SKOR2: variants seen among roughly 807,000 people sequenced by gnomAD.
The protein encoded by SKOR2 is SKI family transcriptional corepressor 2.
Under a neutral mutation model 69.1 loss-of-function variants are expected in SKOR2, and 47 were observed. The observed-to-expected ratio is 0.68, with a 90% CI of 0.54 to 0.87. The LOEUF (loss-of-function observed/expected upper bound fraction) is 0.87, where lower values mean the gene tolerates loss of function less well. Ranked by LOEUF, SKOR2 falls within the 40% of genes least tolerant of loss-of-function variation. The pLI is 0.00. For missense variants in SKOR2, 1,404 were observed against 1,472.2 expected (o/e 0.95, Z 0.76); for synonymous variants, 717 against 672.6 (o/e 1.07, Z -1.02).
rs755307760 is a variant in SKOR2 at position 47,247,066 on chromosome 18, AGGGGGCGGC to A, written c.2109_2117del (p.Pro704_Pro706del). 87 of 885,876 alleles carry A rather than the reference AGGGGGCGGC, an allele frequency of 9.8e-5. No individual in the cohort carries two copies. Among genetic ancestry groups the A allele is most frequent in the Non-Finnish European group, 1.2e-4 (84 of 705,748 alleles). The allele number at this position is 885,876 out of a possible 1,614,324, so 54.9% of individuals were successfully genotyped here. ...CTCGGTGGTGCGGGTGCTGGGCCAG[AGGGGGCGGC>A]GGGGGCGGCGGCGGCGGCGGCGGCG... is the stretch of plus-strand genomic sequence containing the variant. On this transcript the variant is annotated inframe_deletion, in exon 2 of 9. Transcript: ENST00000425639. The surrounding 1 kb of genome is among the most constrained non-coding windows in gnomAD (Gnocchi z 6.6).
chr18:47,208,093 AGAGT>A lies in SKOR2; in HGVS notation c.*4-1205_*4-1202del, dbSNP rs151291539. ...TTTGGCCATCCACATTTTATAGATA[AGAGT>A]GAGACTCAAAGAGATTAAATGATGT... On this transcript the variant is annotated intron_variant, in intron 8 of 8. Transcript: ENST00000425639. Among the ~76,000 whole-genome samples the A allele has an allele frequency of 1.8e-3, 270 of 152,342 alleles. 3 individuals carry two copies. The East Asian group carries it at 0.044, about 25-fold the overall frequency.
At position 47,230,469 on chromosome 18, in the gene SKOR2, G is replaced by T. The variant is rs2064193361; in HGVS notation, c.2907C>A (p.Phe969Leu). The T allele has an allele frequency of 1.4e-6, 2 of 1,428,718 alleles. No homozygotes were observed. Among genetic ancestry groups the T allele is most frequent in the South Asian group, 1.6e-5 (1 of 63,396 alleles). 88.5% of individuals were successfully genotyped at this position (1,428,718 alleles called of 1,614,324 possible). Residue 969 changes from phenylalanine to leucine, a missense_variant, in exon 6 of 9, where the codon TTC becomes TTA. Transcript: ENST00000425639. ...AAAGTGATTTCTTACTGAATACTGG[G>T]AAAGATGTGTTTCCTTTTAACACCT... is the stretch of plus-strand genomic sequence containing the variant. ...EFQVLKGNTS[F>L]PVFNNFQDQM... is the part of the protein sequence containing the mutation.
intron 4 of SKOR2, 44 bp downstream of exon 4, chr18:47,244,864 C>T (rs2064264214): frequency 6.7e-7 from 1 of 1,493,436 alleles, no homozygotes; most frequent in Non-Finnish European, 9.0e-7. Flanking sequence ...AGCCCCTCTC[C>T]CTGTCATCTG....
At chr18:47,214,681 C>G (rs932995764) in intron 7 of SKOR2, among the ~76,000 whole-genome samples, 2 of 152,086 alleles carry the variant, frequency 1.3e-5, no homozygotes, top group African/African-American at 2.4e-5. Context: ...ACAGTTGAAA[C>G]CTTTTACTTT....
intron 4 of SKOR2, among the ~76,000 whole-genome samples, chr18:47,236,923 G>A (rs1021791602): frequency 1.3e-5 from 2 of 152,026 alleles, no homozygotes; most frequent in African/African-American, 4.8e-5. Context: ...TGTACCTGAT[G>A]TTCTAGTGTT....
At chr18:47,251,304 A>G (rs1195167953) in intron 1 of SKOR2, 70 bp downstream of exon 1, 1 of 151,984 alleles carries the variant, frequency 6.6e-6, no homozygotes, top group South Asian at 2.1e-4. Context: ...GGAAAATCCT[A>G]CCGCTGGGGA....
At chr18:47,225,425 T>C (rs1305047656) in intron 6 of SKOR2, among the ~76,000 whole-genome samples, 2 of 152,190 alleles carry the variant, frequency 1.3e-5, no homozygotes, top group Non-Finnish European at 2.9e-5. Flanking sequence ...CATTGTCAGT[T>C]TTAATCTCTT....
chr18:47,231,175 G>C (rs1486735773), intron 4 of SKOR2, 175 bp from the exon 5 acceptor site: 2 of 1,536,006 alleles, frequency 1.3e-6, no homozygotes, highest in Non-Finnish European at 1.7e-6. Context: ...CTGAAACACG[G>C]AGGGGAGGTG....
At chr18:47,228,798 T>C (rs1275788554) in intron 6 of SKOR2, among the ~76,000 whole-genome samples, 1 of 152,234 alleles carries the variant, frequency 6.6e-6, no homozygotes, top group Non-Finnish European at 1.5e-5. Flanking sequence ...ATTTTAAATG[T>C]TTCTCCTTTT....
chr18:47,238,320 CTTTT>C (rs772229985), intron 4 of SKOR2, among the ~76,000 whole-genome samples: 1 of 108,070 alleles, frequency 9.3e-6, no homozygotes, highest in Non-Finnish European at 1.8e-5. Flanking sequence ...CTTTTCTTTT[CTTTT>C]TTTTTTTTTT....
chr18:47,239,137 A>G (rs1413112857), intron 4 of SKOR2, among the ~76,000 whole-genome samples: 1 of 152,210 alleles, frequency 6.6e-6, no homozygotes, highest in Non-Finnish European at 1.5e-5. Context: ...CTTAAGAATA[A>G]CCAAAATACA....
intron 7 of SKOR2, among the ~76,000 whole-genome samples, chr18:47,213,114 T>A (rs1256010045): frequency 1.3e-5 from 2 of 152,144 alleles, no homozygotes; most frequent in Non-Finnish European, 2.9e-5. Flanking sequence ...CTTTTCATTA[T>A]AAAATTCCAA....
chr18:47,248,971 C>T lies in SKOR2; in HGVS notation c.213G>A (p.Leu71=). Residue 71 remains leucine (L), a synonymous_variant, in exon 2 of 9, where the codon CTG becomes CTA. Coordinates refer to ENST00000425639, the MANE Select transcript of SKOR2 (RefSeq NM_001278063.4). This position sits in a 1 kb window ranked among gnomAD's most constrained non-coding sequence, Gnocchi z 6.4. ...TCTCGTTGTAGCTGAAGTTCTTGAG[C>T]AGAGTGTTGGAGATCTGCGCCAGGC... ...RLCLAQISNT[L]LKNFSYNEIH... 1 of 1,571,884 alleles carries T rather than the reference C, an allele frequency of 6.4e-7. No individual in the cohort carries two copies. The highest frequency in any genetic ancestry group is 8.6e-7 in the Non-Finnish European group (1 of 1,166,088).
intron 6 of SKOR2, among the ~76,000 whole-genome samples, chr18:47,225,561 A>G (rs997429945): frequency 1.3e-5 from 2 of 152,182 alleles, no homozygotes; most frequent in Non-Finnish European, 2.9e-5. Context: ...TCTATTTACA[A>G]TGTGGGTTGG....
intron 4 of SKOR2, among the ~76,000 whole-genome samples, chr18:47,231,527 T>C (rs780017061): frequency 6.6e-6 from 1 of 152,052 alleles, no homozygotes. Flanking sequence ...TCCCTAATAA[T>C]TGATAGTTTG....
In SKOR2 at chr18:47,244,079, A is replaced by G. The variant is rs187989682; in HGVS notation, c.2752+829T>C. On this transcript the variant is annotated intron_variant, in intron 4 of 8. Transcript: ENST00000425639. Reference sequence around the variant, plus strand: ...AAATATTGAGAAGTTTCCTTATGAGAAAATAAAAACAAAGGTTTGGAGACC... The same window carrying G: ...AAATATTGAGAAGTTTCCTTATGAGGAAATAAAAACAAAGGTTTGGAGACC... Among the ~76,000 whole-genome samples, 288 of 152,334 alleles carry G rather than the reference A, an allele frequency of 1.9e-3. 1 individual carries two copies. Among genetic ancestry groups the G allele is most frequent in the African/African-American group, 6.7e-3 (280 of 41,580 alleles).
chr18:47,207,994 G>A (rs886397112), intron 8 of SKOR2, among the ~76,000 whole-genome samples: 7 of 152,184 alleles, frequency 4.6e-5, no homozygotes, highest in African/African-American at 1.7e-4. Context: ...TGGGAAAAAA[G>A]AGAGAATATA....
In SKOR2 at chr18:47,247,414, G is replaced by C; in HGVS notation, c.1770C>G (p.Ala590=). The change falls in exon 2 of 9, where the codon GCC becomes GCG. Residue 590 remains alanine, a synonymous_variant. Coordinates refer to ENST00000425639, the MANE Select transcript of SKOR2 (RefSeq NM_001278063.4). This position sits in a 1 kb window ranked among gnomAD's most constrained non-coding sequence, Gnocchi z 6.6. ...VAAAGAGAAA[A]GSGPAGSRVP... is the part of the protein sequence containing the mutation. The stretch of plus-strand genomic sequence containing the variant: ...CCCGGGAGCCCGCGGGGCCAGACCC[G>C]GCGGCCGCGGCCCCTGCCCCGGCAG... The C allele has an allele frequency of 7.7e-7, 1 of 1,306,556 alleles. No individual in the cohort carries two copies. The highest frequency in any genetic ancestry group is 9.7e-7 in the Non-Finnish European group (1 of 1,030,198). The allele number at this position is 1,306,556 out of a possible 1,614,324, so 80.9% of individuals were successfully genotyped here. A position where few individuals can be genotyped will look rare whatever the true frequency, so the allele number is the denominator to read the frequency against.
intron 4 of SKOR2, chr18:47,231,262 C>T (rs879266351): frequency 1.7e-4 from 202 of 1,189,646 alleles, no homozygotes; most frequent in Non-Finnish European, 2.1e-4. Flanking sequence ...ATTCCCTCTC[C>T]AACCCCCTAC....
Sources: allele counts gnomAD v4.1 joint callset (sites outside exome capture counted in the v4.1 genomes callset), GRCh38; gene constraint gnomAD v4.1.1; non-coding constraint Gnocchi (gnomAD v3.1); transcripts MANE v1.5; gene names NCBI Gene and HGNC (gene_info 2026-07-23, HGNC 2026-07-21).